Variants in NEBL observed in about 807,000 individuals in gnomAD.
NEBL encodes nebulette.
A neutral mutation model predicts 140.2 loss-of-function variants in NEBL; 122 were observed. The observed-to-expected ratio is 0.87, with a 90% confidence interval of 0.75 to 1.01. The LOEUF (loss-of-function observed/expected upper bound fraction) is 1.01. NEBL is among the 50% of genes least tolerant of loss of function. The pLI is 0.00. For missense variants in NEBL, 1,365 were observed against 1,231.3 expected (o/e 1.11, Z -1.62); for synonymous variants, 436 against 398.9 (o/e 1.09, Z -1.11).
intron 4 of NEBL, among the ~76,000 whole-genome samples, chr10:20,948,793 C>A (rs1045291886): frequency 1.3e-5 from 2 of 152,342 alleles, no homozygotes; most frequent in Admixed American, 1.3e-4. Context: ...GCTATTTAAT[C>A]TTGCAAGAGA....
At chr10:20,803,854 A>T (rs1195917955) in intron 26 of NEBL, among the ~76,000 whole-genome samples, 2 of 148,942 alleles carry the variant, frequency 1.3e-5, no homozygotes, top group Non-Finnish European at 3.0e-5. Flanking sequence ...CATACTGGGA[A>T]TGTTTTCACT....
At chr10:20,832,915 C>T (rs950997411) in intron 14 of NEBL, among the ~76,000 whole-genome samples, 1 of 152,160 alleles carries the variant, frequency 6.6e-6, no homozygotes, top group Non-Finnish European at 1.5e-5. Context: ...ATTACTATGT[C>T]TACAAAAAGC....
Position 21,223,716 on chromosome 10 carries a change from G to A in NEBL, n.348+24205C>T, listed in dbSNP as rs11012589. Among the ~76,000 whole-genome samples, 591 of 152,164 alleles carry A rather than the reference G, an allele frequency of 3.9e-3. 5 individuals carry two copies. The highest frequency in any genetic ancestry group is 0.014 in the African/African-American group (569 of 41,540). On this transcript the variant is annotated intron_variant and non_coding_transcript_variant, in intron 3 of 8. Coordinates refer to the NEBL transcript ENST00000675702. The stretch of plus-strand genomic sequence containing the variant: ...CATGTCCTCACCAGCACTTGTTATT[G>A]CCTGTCTTTTGGATCACTGGAGTGA...
chr10:21,167,877 C>A (rs920483046), intron 2 of NEBL, among the ~76,000 whole-genome samples: 1 of 152,104 alleles, frequency 6.6e-6, no homozygotes, highest in Non-Finnish European at 1.5e-5. Context: ...TGAAAAAAAT[C>A]CCAAATGTGC....
intron 3 of NEBL, among the ~76,000 whole-genome samples, chr10:21,019,581 A>G (rs1838695519): frequency 6.6e-6 from 1 of 152,242 alleles, no homozygotes; most frequent in African/African-American, 2.4e-5. Flanking sequence ...ACCATATTGA[A>G]GGCAAGTTGC....
chr10:21,141,972 A>G (rs764480551), intron 2 of NEBL, among the ~76,000 whole-genome samples: 3 of 152,156 alleles, frequency 2.0e-5, no homozygotes, highest in Non-Finnish European at 2.9e-5. Context: ...ATAATACTAT[A>G]TCCTTCTAGG....
chr10:21,185,834 T>C (rs867262076), intron 3 of NEBL, among the ~76,000 whole-genome samples: 3 of 152,184 alleles, frequency 2.0e-5, no homozygotes, highest in African/African-American at 7.2e-5. Context: ...CTGTGGCTCA[T>C]GCATTGCCTT....
chr10:21,288,704 G>T (rs1462607451), intron 1 of NEBL, among the ~76,000 whole-genome samples: 2 of 141,820 alleles, frequency 1.4e-5, no homozygotes, highest in East Asian at 4.3e-4. Context: ...AGGTTGCAGT[G>T]AGCCGAACTC....
intron 4 of NEBL, among the ~76,000 whole-genome samples, chr10:20,913,673 T>C (rs948827467): frequency 1.3e-5 from 2 of 152,208 alleles, no homozygotes; most frequent in Admixed American, 1.3e-4. Flanking sequence ...TATATTTGAC[T>C]TTTTGATCAA....
chr10:21,243,470 C>T (rs950670949), intron 3 of NEBL, among the ~76,000 whole-genome samples: 5 of 151,870 alleles, frequency 3.3e-5, no homozygotes, highest in Non-Finnish European at 5.9e-5. Context: ...TCACGCCTCG[C>T]TAATTTTTGT....
intron 3 of NEBL, among the ~76,000 whole-genome samples, chr10:21,207,638 GC>G (rs1305245266): frequency 6.6e-6 from 1 of 152,042 alleles, no homozygotes; most frequent in African/African-American, 2.4e-5. Context: ...GCCAATGGGA[GC>G]CCCTGCAGGA....
chr10:21,136,938 T>C (rs1839382588), intron 2 of NEBL, among the ~76,000 whole-genome samples: 2 of 152,216 alleles, frequency 1.3e-5, no homozygotes, highest in Admixed American at 1.3e-4. Flanking sequence ...CTAGAGACAA[T>C]ATTTTTGGAG....
In NEBL at chr10:20,814,039, T is replaced by C; in HGVS notation, c.2246A>G (p.Lys749Arg). 6.3e-7 allele frequency: 1 copy of C among 1,577,076 alleles called. No homozygotes were observed. Among genetic ancestry groups the C allele is most frequent in the African/African-American group, 1.3e-5 (1 of 74,160 alleles). ...KKNQENISSV[K>R]YTQDHKQMKG... ...CATCTGTTTATGGTCCTGGGTATATTTTACCTGCAAAGTAAATAGTAGGCA... is the reference window on the plus strand; with the variant it reads ...CATCTGTTTATGGTCCTGGGTATATCTTACCTGCAAAGTAAATAGTAGGCA... Residue 749 changes from lysine to arginine, a missense_variant, in exon 23 of 28, where the codon AAA (lysine) becomes AGA (arginine). Lys to Arg is a conservative substitution (Grantham distance 26). This residue lies in a region of NEBL where 1,323 missense variants were observed against 1,154.8 expected (regional missense o/e 1.15). Transcript: ENST00000377122.
chr10:21,276,344 G>A (rs1026470243), intron 1 of NEBL, among the ~76,000 whole-genome samples: 2 of 152,104 alleles, frequency 1.3e-5, no homozygotes, highest in African/African-American at 4.8e-5. Context: ...GCTGTTGTGA[G>A]GTTAACCCAC....
intron 2 of NEBL, among the ~76,000 whole-genome samples, chr10:21,119,070 T>C (rs1838405631): frequency 6.6e-6 from 1 of 152,188 alleles, no homozygotes; most frequent in Non-Finnish European, 1.5e-5. Flanking sequence ...CAATCCTTTC[T>C]CTACTCCAAA....
intron 5 of NEBL, among the ~76,000 whole-genome samples, chr10:20,875,820 G>A (rs560581760): frequency 9.2e-5 from 14 of 152,196 alleles, no homozygotes; most frequent in Non-Finnish European, 1.3e-4. Flanking sequence ...AGAACCCTGT[G>A]AAGGTTAAAC....
Position 21,173,348 on chromosome 10 carries a change from C to A in NEBL, c.69+417G>T, listed in dbSNP as rs1354038925. On this transcript the variant is annotated intron_variant, in intron 1 of 6. Coordinates refer to the NEBL transcript ENST00000417816. This position sits in a 1 kb window ranked among gnomAD's most constrained non-coding sequence, Gnocchi z 5.7. The stretch of plus-strand genomic sequence containing the variant: ...CTCGCCGCGGTCACAGGAGGCGCTG[C>A]GGGTGGGCGGTGAGGTGGGATCGCG... Among the ~76,000 whole-genome samples, 1 of 140,742 alleles carries A rather than the reference C, an allele frequency of 7.1e-6. No homozygotes were observed. The highest frequency in any genetic ancestry group is 2.7e-5 in the African/African-American group (1 of 37,258). 92.3% of individuals were successfully genotyped at this position (140,742 alleles called of 152,430 possible).
At chr10:20,921,134 A>G (rs1378577847) in intron 4 of NEBL, among the ~76,000 whole-genome samples, 1 of 152,212 alleles carries the variant, frequency 6.6e-6, no homozygotes, top group Non-Finnish European at 1.5e-5. Context: ...GCCTTTTCCT[A>G]ACTCAGGAAA....
At chr10:21,092,440 T>A (rs936240720) in intron 2 of NEBL, among the ~76,000 whole-genome samples, 1 of 152,168 alleles carries the variant, frequency 6.6e-6, no homozygotes, top group Non-Finnish European at 1.5e-5. Flanking sequence ...AATTATGTGA[T>A]GATTTATTCC....
Sources: allele counts gnomAD v4.1 joint callset (sites outside exome capture counted in the v4.1 genomes callset), GRCh38; gene constraint gnomAD v4.1.1; regional missense constraint gnomAD v4.1.1; non-coding constraint Gnocchi (gnomAD v3.1); transcripts MANE v1.5; gene names NCBI Gene and HGNC (gene_info 2026-07-23, HGNC 2026-07-21).